Variants in INSR observed in about 807,000 individuals in gnomAD.
INSR encodes the protein insulin receptor, also known as IR.
A neutral mutation model predicts 142.6 loss-of-function variants in INSR; 67 were observed. The observed-to-expected ratio is 0.47, with a 90% CI of 0.39 to 0.58. INSR has a LOEUF of 0.58. Among genes scored for constraint, INSR ranks in the 20% least tolerant of loss-of-function variants. INSR has a pLI of 0.00. For missense variants in INSR, 1,248 were observed against 1,833.2 expected, an observed-to-expected ratio of 0.68 and a Z score of 5.83; for synonymous variants, 756 against 743.1, an observed-to-expected ratio of 1.02 and a Z score of -0.28.
At chr19:7,229,300 T>TGATGGATG (rs369695616) in intron 2 of INSR, among the ~76,000 whole-genome samples, 20,183 of 123,856 alleles carry the variant, frequency 0.16, 2,239 homozygotes, top group East Asian at 0.38. Flanking sequence ...GATGGAGGGA[T>TGATGGATG]GATGGATGGA....
chr19:7,258,861 C>T (rs777416051), intron 2 of INSR, among the ~76,000 whole-genome samples: 2 of 148,858 alleles, frequency 1.3e-5, no homozygotes, highest in Non-Finnish European at 3.0e-5. Flanking sequence ...AGAGGCAACA[C>T]ACATGTTGGC....
At position 7,170,582 on chromosome 19, in the gene INSR, C is replaced by T; in HGVS notation, c.1438G>A (p.Glu480Lys). 2 of 1,613,596 alleles carry T rather than the reference C, an allele frequency of 1.2e-6. No individual in the cohort carries two copies. Among genetic ancestry groups the T allele is most frequent in the South Asian group, 2.2e-5 (2 of 91,042 alleles). ...EEVSGTKGRQ[E>K]RNDIALKTNG... Reference sequence around the variant, plus strand: ...GTCTTCAGGGCAATGTCGTTTCTCTCCTGGCGCCCCTTGGTTCCTGAAACT... The same window carrying T: ...GTCTTCAGGGCAATGTCGTTTCTCTTCTGGCGCCCCTTGGTTCCTGAAACT... Residue 480 changes from glutamate to lysine, a missense_variant, in exon 6 of 22, where the codon GAG (glutamate) becomes AAG (lysine). By Grantham distance (56) the Glu-to-Lys change is moderately conservative (BLOSUM62 1). This residue lies in a region of INSR where 1,069 missense variants were observed against 1,654.0 expected (regional missense o/e 0.65). Coordinates refer to ENST00000302850, the MANE Select transcript of INSR (RefSeq NM_000208.4).
chr19:7,203,765 C>T (rs768516761), intron 2 of INSR, among the ~76,000 whole-genome samples: 1 of 152,152 alleles, frequency 6.6e-6, no homozygotes, highest in African/African-American at 2.4e-5. Context: ...GAAACAGAAT[C>T]ATAAGTCAGA....
intron 1 of INSR, among the ~76,000 whole-genome samples, chr19:7,282,870 G>A (rs956728090): frequency 6.6e-6 from 1 of 151,970 alleles, no homozygotes; most frequent in African/African-American, 2.4e-5. Flanking sequence ...CTACTCAGGA[G>A]GCTGAGGCAG....
At chr19:7,158,803 T>C (rs1157835514) in intron 9 of INSR, among the ~76,000 whole-genome samples, 1 of 152,302 alleles carries the variant, frequency 6.6e-6, no homozygotes, top group South Asian at 2.1e-4. Flanking sequence ...ACTAGTGATA[T>C]TAACAGGAAG....
At chr19:7,169,286 A>G (rs1973957784) in intron 6 of INSR, among the ~76,000 whole-genome samples, 1 of 152,014 alleles carries the variant, frequency 6.6e-6, no homozygotes, top group African/African-American at 2.4e-5. Context: ...AAGGCTCTTC[A>G]TGGCTGAGCG....
At chr19:7,196,323 A>G (rs924817036) in intron 2 of INSR, among the ~76,000 whole-genome samples, 4 of 152,018 alleles carry the variant, frequency 2.6e-5, no homozygotes, top group Admixed American at 6.6e-5. Context: ...AGTTCAGGGG[A>G]AAAAAATGTA....
chr19:7,208,115 T>G (rs1379530974), intron 2 of INSR, among the ~76,000 whole-genome samples: 6 of 152,098 alleles, frequency 3.9e-5, no homozygotes, highest in Admixed American at 3.9e-4. Context: ...GGAACTCATC[T>G]AAGTCAAAGA....
chr19:7,160,071 G>A (rs1430318752), intron 9 of INSR, among the ~76,000 whole-genome samples: 1 of 152,162 alleles, frequency 6.6e-6, no homozygotes, highest in Non-Finnish European at 1.5e-5. Flanking sequence ...GGCTGAGGCA[G>A]GAGGATCGCT....
At chr19:7,131,703 T>TA (rs71177158) in intron 14 of INSR, among the ~76,000 whole-genome samples, 1 of 145,752 alleles carries the variant, frequency 6.9e-6, no homozygotes, top group African/African-American at 2.5e-5. Flanking sequence ...TTTTTTTTTT[T>TA]AAGTGCAGGA....
At chr19:7,219,472 AAAGG>A (rs1432544316) in intron 2 of INSR, among the ~76,000 whole-genome samples, 1 of 65,896 alleles carries the variant, frequency 1.5e-5, no homozygotes, top group Non-Finnish European at 3.5e-5. Flanking sequence ...GAGAGAGAGA[AAAGG>A]GAGGGAGGGA....
intron 9 of INSR, 72 bp downstream of exon 9, chr19:7,162,960 A>C: frequency 2.8e-6 from 4 of 1,443,562 alleles, no homozygotes; most frequent in Non-Finnish European, 3.9e-6. Flanking sequence ...CTGCTTCCCT[A>C]GAGGTGAAGC....
rs1972293245 is a variant in INSR, at chr19:7,115,155, C to G, written c.*1901G>C. ...ATTATGACTCTATCCCATTCTTAAG[C>G]CCACAACTCTTAAGAGAAGAAGAAA... On this transcript the variant is annotated 3_prime_UTR_variant, in exon 22 of 22. Coordinates refer to ENST00000302850, the MANE Select transcript of INSR (RefSeq NM_000208.4). The G allele has an allele frequency of 6.6e-6, 1 of 152,166 alleles. No individual in the cohort carries two copies. The highest frequency in any genetic ancestry group is 2.1e-4 in the South Asian group (1 of 4,834). The allele number at this position is 152,166 out of a possible 1,614,324, so 9.4% of individuals were successfully genotyped here.
intron 2 of INSR, among the ~76,000 whole-genome samples, chr19:7,251,813 C>T (rs1976738100): frequency 6.6e-6 from 1 of 151,870 alleles, no homozygotes; most frequent in Admixed American, 6.6e-5. Context: ...TTAGGCTATT[C>T]ATTTGTTTGG....
chr19:7,157,781 C>T (rs981770891), intron 9 of INSR, among the ~76,000 whole-genome samples: 3 of 151,746 alleles, frequency 2.0e-5, no homozygotes, highest in Non-Finnish European at 4.4e-5. Flanking sequence ...AAAGGAAATT[C>T]CATTTTCTCT....
At chr19:7,188,042 C>T (rs1307795098) in intron 2 of INSR, among the ~76,000 whole-genome samples, 1 of 152,104 alleles carries the variant, frequency 6.6e-6, no homozygotes, top group African/African-American at 2.4e-5. Context: ...CCCACACACA[C>T]CCAGGCTCAG....
intron 2 of INSR, among the ~76,000 whole-genome samples, chr19:7,246,412 A>G (rs1170439422): frequency 6.6e-6 from 1 of 152,192 alleles, no homozygotes; most frequent in African/African-American, 2.4e-5. Context: ...CTCCCAGCTG[A>G]CAGCCAGCAC....
In INSR at chr19:7,293,912, T is replaced by C; in HGVS notation, c.-21A>G. 8.4e-7 allele frequency: 1 copy of C among 1,195,892 alleles called. No homozygotes were observed. The highest frequency in any genetic ancestry group is 1.6e-5 in the African/African-American group (1 of 62,062). The allele number at this position is 1,195,892 out of a possible 1,614,324, so 74.1% of individuals were successfully genotyped here. On this transcript the variant is annotated 5_prime_UTR_variant, in exon 1 of 22. Transcript: ENST00000302850. ...GCCATGGCTGCGGGAGCGCGGGGTC[T>C]CCTCGGATCAGAGCGCGCGGCGCTG...
At chr19:7,158,301 C>T (rs987678357) in intron 9 of INSR, among the ~76,000 whole-genome samples, 1 of 151,872 alleles carries the variant, frequency 6.6e-6, no homozygotes, top group Non-Finnish European at 1.5e-5. Context: ...GAGATCGAGA[C>T]CATCCTGGCT....
Sources: gnomAD v4.1 joint callset for allele counts (sites outside exome capture counted in the v4.1 genomes callset) on GRCh38, gnomAD v4.1.1 for gene constraint, gnomAD v4.1.1 regional missense constraint, MANE v1.5 for transcripts, NCBI Gene and HGNC (gene_info 2026-07-23, HGNC 2026-07-21) for gene names.